Variants in TMEM132B observed in about 807,000 individuals in gnomAD.
TMEM132B encodes the protein transmembrane protein 132B.
Under a neutral mutation model 90.8 loss-of-function variants are expected in TMEM132B, and 18 were observed. The ratio of observed to expected loss-of-function variants is 0.20; its 90% CI spans 0.14 to 0.29. The LOEUF is 0.29. TMEM132B is among the 10% of genes least tolerant of loss of function. The pLI, the probability that TMEM132B is intolerant of heterozygous loss-of-function variation, is 1.00. For missense variants in TMEM132B, 1,096 were observed against 1,326.8 expected, an observed-to-expected ratio of 0.83 and a Z score of 2.70; for synonymous variants, 504 against 523.3, an observed-to-expected ratio of 0.96 and a Z score of 0.50.
At chr12:125,634,689 C>T (rs918633107) in intron 5 of TMEM132B, among the ~76,000 whole-genome samples, 12 of 152,202 alleles carry the variant, frequency 7.9e-5, no homozygotes, top group African/African-American at 2.9e-4. Context: ...GTGTTCCCTT[C>T]TGGCCCAGGG....
intron 3 of TMEM132B, among the ~76,000 whole-genome samples, chr12:125,510,237 G>A (rs1882944628): frequency 6.6e-6 from 1 of 152,216 alleles, no homozygotes; most frequent in African/African-American, 2.4e-5. Flanking sequence ...TGGCAGCCGA[G>A]AAAGTGGAGG....
chr12:125,310,832 G>C (rs1482597039), intron 1 of TMEM132B, among the ~76,000 whole-genome samples: 1 of 152,192 alleles, frequency 6.6e-6, no homozygotes, highest in Non-Finnish European at 1.5e-5. Flanking sequence ...CTGCTAACGG[G>C]TGTGTCGATG....
intron 1 of TMEM132B, among the ~76,000 whole-genome samples, chr12:125,319,318 CAGTG>C (rs1410080339): frequency 6.6e-6 from 1 of 152,194 alleles, no homozygotes; most frequent in Non-Finnish European, 1.5e-5. Flanking sequence ...TCCATCCACA[CAGTG>C]AGAGGGACAG....
At chr12:125,305,210 G>A (rs1488375652) in intron 1 of TMEM132B, among the ~76,000 whole-genome samples, 1 of 151,698 alleles carries the variant, frequency 6.6e-6, no homozygotes, top group African/African-American at 2.4e-5. Context: ...AGACGTGGGC[G>A]ACAGTTTAGA....
At chr12:125,267,724 T>A (rs919791177) in intron 1 of TMEM132B, among the ~76,000 whole-genome samples, 1 of 152,178 alleles carries the variant, frequency 6.6e-6, no homozygotes, top group Non-Finnish European at 1.5e-5. Flanking sequence ...GGGCAGTGGC[T>A]CCTAATCTGT....
chr12:125,648,689 T>G (rs569457052), intron 6 of TMEM132B, among the ~76,000 whole-genome samples: 1 of 152,350 alleles, frequency 6.6e-6, no homozygotes, highest in African/African-American at 2.4e-5. Flanking sequence ...ATCTGATGTA[T>G]TCATTGACCA....
intron 4 of TMEM132B, among the ~76,000 whole-genome samples, chr12:125,525,813 G>A (rs995327998): frequency 2.6e-5 from 4 of 152,212 alleles, no homozygotes; most frequent in African/African-American, 7.2e-5. Flanking sequence ...ACATCCTTTG[G>A]TCCACTGGGT....
At chr12:125,301,682 T>C (rs1356414820) in intron 1 of TMEM132B, 2 of 148,916 alleles carry the variant, frequency 1.3e-5, no homozygotes, top group African/African-American at 5.0e-5. Flanking sequence ...ATCGAGACCA[T>C]CCTGGCTAAC....
intron 4 of TMEM132B, among the ~76,000 whole-genome samples, chr12:125,541,951 G>A (rs1408508722): frequency 6.7e-6 from 1 of 148,344 alleles, no homozygotes; most frequent in Non-Finnish European, 1.5e-5. Flanking sequence ...CGTGAACCCG[G>A]TAGGCGGAGC....
chr12:125,570,943 A>C (rs1048074881), intron 4 of TMEM132B, among the ~76,000 whole-genome samples: 1 of 152,190 alleles, frequency 6.6e-6, no homozygotes, highest in African/African-American at 2.4e-5. Context: ...GGAGTGGAAC[A>C]CACTGGAAGT....
At chr12:125,466,335 G>A (rs1283072042) in intron 3 of TMEM132B, among the ~76,000 whole-genome samples, 3 of 152,230 alleles carry the variant, frequency 2.0e-5, no homozygotes, top group Non-Finnish European at 4.4e-5. Flanking sequence ...CCTGCTGTGA[G>A]AAGGCAGCTC....
chr12:125,419,853 G>C (rs1880122483), intron 3 of TMEM132B, among the ~76,000 whole-genome samples: 1 of 152,214 alleles, frequency 6.6e-6, no homozygotes, highest in Non-Finnish European at 1.5e-5. Flanking sequence ...GGTAAATACA[G>C]CCATTCCAAA....
At chr12:125,519,998 T>C (rs1451709509) in intron 4 of TMEM132B, among the ~76,000 whole-genome samples, 1 of 152,198 alleles carries the variant, frequency 6.6e-6, no homozygotes, top group Non-Finnish European at 1.5e-5. Flanking sequence ...CCTTGTCAAT[T>C]GGCTTTGCCC....
intron 1 of TMEM132B, among the ~76,000 whole-genome samples, chr12:125,216,912 G>A (rs1212072971): frequency 6.6e-6 from 1 of 152,244 alleles, no homozygotes; most frequent in Non-Finnish European, 1.5e-5. Flanking sequence ...TGGCTGGGCA[G>A]GATGCTGTGG....
intron 3 of TMEM132B, among the ~76,000 whole-genome samples, chr12:125,439,057 G>A (rs914102371): frequency 6.6e-5 from 10 of 151,824 alleles, no homozygotes; most frequent in Admixed American, 2.6e-4. Context: ...TTTGGTTACC[G>A]TAGCCCTGTA....
intron 4 of TMEM132B, among the ~76,000 whole-genome samples, chr12:125,525,461 G>A (rs1883426253): frequency 6.6e-6 from 1 of 152,200 alleles, no homozygotes; most frequent in Non-Finnish European, 1.5e-5. Flanking sequence ...CTTCCGCCAT[G>A]CGAGGACATG....
At chr12:125,253,121 ATGACCCCCTCGTGGAGGCTGCCTC>A (rs1325686222) in intron 1 of TMEM132B, among the ~76,000 whole-genome samples, 2 of 152,134 alleles carry the variant, frequency 1.3e-5, no homozygotes, top group East Asian at 1.9e-4. Context: ...GGCAGAGGAA[ATGACCCCCTCGTGGAGGCTGCCTC>A]TGACCCCCTC....
chr12:125,397,082 C>T (rs1246682060), intron 2 of TMEM132B, among the ~76,000 whole-genome samples: 1 of 152,036 alleles, frequency 6.6e-6, no homozygotes, highest in Non-Finnish European at 1.5e-5. Context: ...AGCAATTCCC[C>T]TGCCTCAGCC....
At chr12:125,380,720 T>C (rs1375425880) in intron 2 of TMEM132B, among the ~76,000 whole-genome samples, 3 of 152,324 alleles carry the variant, frequency 2.0e-5, no homozygotes, top group Admixed American at 1.3e-4. Flanking sequence ...TGGGAGGCAC[T>C]GGTAGAAGAT....
Sources: allele counts gnomAD v4.1 joint callset (sites outside exome capture counted in the v4.1 genomes callset), GRCh38; gene constraint gnomAD v4.1.1; transcripts MANE v1.5; gene names NCBI Gene and HGNC (gene_info 2026-07-23, HGNC 2026-07-21).